The following C12orf42 variants were observed in gnomAD, a reference collection of about 807,000 sequenced individuals.
The protein encoded by C12orf42 is uncharacterized protein C12orf42.
Under a neutral mutation model 21.6 loss-of-function variants are expected in C12orf42, and 25 were observed. The observed-to-expected ratio is 1.16, with a 90% CI of 0.84 to 1.62. C12orf42 has a LOEUF of 1.62. Ranked by LOEUF, C12orf42 falls within the 40% of genes most tolerant of loss-of-function variation. The pLI is 0.00. For synonymous variants in C12orf42, 174 were observed against 175.0 expected (o/e 0.99, Z 0.05); for missense variants, 483 against 459.3 (o/e 1.05, Z -0.47).
At chr12:103,144,390 T>G in the C12orf42 span, among the ~76,000 whole-genome samples, 6 of 152,230 alleles carry the variant, frequency 3.9e-5, no homozygotes, top group Non-Finnish European at 8.8e-5. Flanking sequence ...CAGAGGCTAC[T>G]TGCAGTCACC....
At chr12:103,082,359 G>C in the C12orf42 span, among the ~76,000 whole-genome samples, 376 of 152,260 alleles carry the variant, frequency 2.5e-3, 2 homozygotes, top group Middle Eastern at 0.017. Context: ...GTATGATTAC[G>C]CTACAATAAT....
rs960974127 is a variant in C12orf42 at position 103,276,180 on chromosome 12, C to G, written n.398+970G>C. Among the ~76,000 whole-genome samples the G allele has an allele frequency of 5.3e-5, 8 of 152,104 alleles. 1 individual carries two copies. The highest frequency in any genetic ancestry group is 2.6e-4 in the Admixed American group (4 of 15,264). On this transcript the variant is annotated intron_variant and non_coding_transcript_variant, in intron 5 of 6. Transcript: ENST00000546526. ...AAAAACTTTTAATAAATTTTAATGT[C>G]AAGGTAATATGTTTAAAAAGTTAAA...
At chr12:103,401,388 T>C (rs1455126930) in intron 3 of C12orf42, among the ~76,000 whole-genome samples, 1 of 152,204 alleles carries the variant, frequency 6.6e-6, no homozygotes, top group Non-Finnish European at 1.5e-5. Context: ...TGTACATATC[T>C]GCGTGCAAAG....
chr12:103,376,655 A>G (rs1395802773), intron 3 of C12orf42, among the ~76,000 whole-genome samples: 1 of 152,136 alleles, frequency 6.6e-6, no homozygotes, highest in Non-Finnish European at 1.5e-5. Context: ...TTTGTGAGCT[A>G]TCTGGGAGAT....
the C12orf42 span, among the ~76,000 whole-genome samples, chr12:103,065,184 C>T: frequency 1.3e-5 from 2 of 152,218 alleles, no homozygotes; most frequent in African/African-American, 2.4e-5. Flanking sequence ...ATTCCCACCA[C>T]ATTCCCATTC....
chr12:103,334,170 A>T (rs1384182237), intron 4 of C12orf42, among the ~76,000 whole-genome samples: 1 of 152,210 alleles, frequency 6.6e-6, no homozygotes, highest in African/African-American at 2.4e-5. Flanking sequence ...TATTACTTCC[A>T]ACTTTGCTGC....
chr12:103,463,904 T>C (rs1952914139), intron 2 of C12orf42, among the ~76,000 whole-genome samples: 1 of 152,218 alleles, frequency 6.6e-6, no homozygotes, highest in Non-Finnish European at 1.5e-5. Flanking sequence ...GGAAACAATC[T>C]CATCCTTTTT....
intron 2 of C12orf42, among the ~76,000 whole-genome samples, chr12:103,457,266 G>A (rs1437068102): frequency 6.6e-6 from 1 of 152,128 alleles, no homozygotes; most frequent in Non-Finnish European, 1.5e-5. Flanking sequence ...AGATATAACC[G>A]AATTTCTGTA....
chr12:103,270,647 A>G (rs11833373), intron 5 of C12orf42, among the ~76,000 whole-genome samples: 11,717 of 150,610 alleles, frequency 0.078, 1,242 homozygotes, highest in African/African-American at 0.24. Flanking sequence ...TTACATATGT[A>G]TACATGTGCC....
At chr12:103,099,866 T>C in the C12orf42 span, among the ~76,000 whole-genome samples, 1 of 152,166 alleles carries the variant, frequency 6.6e-6, no homozygotes, top group Non-Finnish European at 1.5e-5. Context: ...ATATACCAAG[T>C]TTTTTGTGAA....
At chr12:103,157,455 T>G in the C12orf42 span, among the ~76,000 whole-genome samples, 2 of 152,220 alleles carry the variant, frequency 1.3e-5, no homozygotes, top group African/African-American at 2.4e-5. Flanking sequence ...TTTATTTTGC[T>G]GTCCAGAAGC....
intron 4 of C12orf42, among the ~76,000 whole-genome samples, chr12:103,280,681 A>G (rs1435179085): frequency 6.6e-6 from 1 of 152,180 alleles, no homozygotes; most frequent in Non-Finnish European, 1.5e-5. Context: ...AATACAATAA[A>G]TAAATAATAC....
chr12:103,447,060 A>T (rs1408426726), intron 2 of C12orf42, among the ~76,000 whole-genome samples: 1 of 152,052 alleles, frequency 6.6e-6, no homozygotes, highest in Non-Finnish European at 1.5e-5. Flanking sequence ...CAGAATATAC[A>T]TTCTGGTCAT....
intron 4 of C12orf42, among the ~76,000 whole-genome samples, chr12:103,294,869 T>C (rs2037146480): frequency 6.6e-6 from 1 of 152,146 alleles, no homozygotes; most frequent in Admixed American, 6.6e-5. Flanking sequence ...GTATTAGGCA[T>C]AATAGTACCC....
chr12:103,071,470 A>G, the C12orf42 span, among the ~76,000 whole-genome samples: 1 of 152,154 alleles, frequency 6.6e-6, no homozygotes, highest in African/African-American at 2.4e-5. Flanking sequence ...CATCCCTAAC[A>G]TTGATGTTGA....
chr12:103,139,233 T>C, the C12orf42 span, among the ~76,000 whole-genome samples: 2 of 152,212 alleles, frequency 1.3e-5, no homozygotes, highest in Non-Finnish European at 2.9e-5. Flanking sequence ...AGCGCATTAT[T>C]AAACCAGATT....
rs191503733 is a variant in C12orf42, at chr12:103,391,658, T to C, written c.147+9949A>G. ...TTTAATTCTTCATATATTCTGGATA[T>C]TAACCATATATATCATATATACTAA... is the stretch of plus-strand genomic sequence containing the variant. On this transcript the variant is annotated intron_variant, in intron 3 of 5. Transcript: ENST00000548883. 3.2e-4 allele frequency among the ~76,000 whole-genome samples: 49 copies of C among 151,400 alleles called. 1 individual carries two copies. Among genetic ancestry groups the C allele is most frequent in the Admixed American group, 3.2e-3 (48 of 15,176 alleles).
intron 4 of C12orf42, among the ~76,000 whole-genome samples, chr12:103,335,165 T>C (rs1384659639): frequency 6.6e-6 from 1 of 152,274 alleles, no homozygotes; most frequent in Admixed American, 6.5e-5. Flanking sequence ...AAATGATGCA[T>C]TCAGTCCATA....
intron 4 of C12orf42, among the ~76,000 whole-genome samples, chr12:103,278,672 C>T (rs939253672): frequency 6.6e-6 from 1 of 152,238 alleles, no homozygotes; most frequent in Non-Finnish European, 1.5e-5. Context: ...ACAAGACAGG[C>T]TCTTCTTCCA....
Sources: allele counts gnomAD v4.1 joint callset (sites outside exome capture counted in the v4.1 genomes callset), GRCh38; gene constraint gnomAD v4.1.1; transcripts MANE v1.5; gene names NCBI Gene and HGNC (gene_info 2026-07-23, HGNC 2026-07-21).